Variants in PRKACB observed in about 807,000 individuals in gnomAD.
The protein encoded by PRKACB is cAMP-dependent protein kinase catalytic subunit beta.
PRKACB carries 16 observed loss-of-function variants against 51.4 expected under a neutral mutation model. That is an observed-to-expected ratio of 0.31 (90% CI 0.21 to 0.47). The LOEUF (loss-of-function observed/expected upper bound fraction) is 0.47. Ranked by LOEUF, PRKACB falls within the 20% of genes least tolerant of loss-of-function variation. The probability of loss-of-function intolerance (pLI) is 1.00; values close to 1 mark genes in which losing one functional copy is unlikely to be tolerated. For missense variants in PRKACB, 309 were observed against 464.5 expected (o/e 0.67, Z 3.08); for synonymous variants, 147 against 154.4 (o/e 0.95, Z 0.35).
At chr1:84,100,534 G>T (rs573098380) in intron 1 of PRKACB, among the ~76,000 whole-genome samples, 2 of 152,232 alleles carry the variant, frequency 1.3e-5, no homozygotes, top group East Asian at 3.9e-4. Context: ...GAGAAGATAA[G>T]ATCACACATT....
At chr1:84,235,102 T>G in intron 9 of PRKACB, 78 bp from the exon 10 acceptor site, 2 of 1,454,374 alleles carry the variant, frequency 1.4e-6, no homozygotes, top group Non-Finnish European at 1.9e-6. Context: ...ACAGTGGGAA[T>G]TTATTTTTCT....
intron 1 of PRKACB, among the ~76,000 whole-genome samples, chr1:84,080,597 G>C (rs1336721531): frequency 2.6e-5 from 4 of 152,182 alleles, no homozygotes; most frequent in Non-Finnish European, 4.4e-5. Context: ...GTGTTATCAG[G>C]TATATGTTGC....
chr1:84,098,706 C>T (rs925347499), intron 1 of PRKACB, among the ~76,000 whole-genome samples: 2 of 151,992 alleles, frequency 1.3e-5, no homozygotes, highest in Admixed American at 6.6e-5. Flanking sequence ...TGTTTTTCTC[C>T]AGTCTTACCC....
intron 1 of PRKACB, among the ~76,000 whole-genome samples, chr1:84,126,495 C>G (rs1557978465): frequency 6.6e-6 from 1 of 152,154 alleles, no homozygotes; most frequent in African/African-American, 2.4e-5. Flanking sequence ...TCTCTTCTCT[C>G]CTCTGCCACT....
intron 2 of PRKACB, chr1:84,181,785 G>T: frequency 7.8e-7 from 1 of 1,281,476 alleles, no homozygotes; most frequent in Admixed American, 2.5e-5. Flanking sequence ...ACAGTTATTT[G>T]CAAGTGCATT....
intron 1 of PRKACB, among the ~76,000 whole-genome samples, chr1:84,170,123 A>C (rs1301696568): frequency 3.3e-5 from 5 of 151,626 alleles, no homozygotes; most frequent in Non-Finnish European, 7.4e-5. Context: ...TGAGAACCAG[A>C]GCTGTAAGGG....
intron 7 of PRKACB, among the ~76,000 whole-genome samples, chr1:84,198,643 G>A (rs1283714004): frequency 2.0e-5 from 3 of 151,422 alleles, no homozygotes; most frequent in Admixed American, 6.6e-5. Context: ...TTTAAATACA[G>A]TTAACAAATA....
At chr1:84,165,339 A>T (rs1186684287) in intron 1 of PRKACB, among the ~76,000 whole-genome samples, 1 of 151,888 alleles carries the variant, frequency 6.6e-6, no homozygotes, top group African/African-American at 2.4e-5. Flanking sequence ...TTCTTTTAGT[A>T]TCTGATCCTG....
chr1:84,086,251 TG>T, intron 1 of PRKACB: 1 of 1,527,490 alleles, frequency 6.5e-7, no homozygotes, highest in Non-Finnish European at 9.1e-7. Context: ...GGACAAGTCC[TG>T]GTTCCCTTGC....
intron 1 of PRKACB, among the ~76,000 whole-genome samples, chr1:84,084,031 C>T (rs1478404301): frequency 6.6e-6 from 1 of 152,132 alleles, no homozygotes; most frequent in Non-Finnish European, 1.5e-5. Flanking sequence ...ACACATGAAA[C>T]CTGCCACAAA....
At chr1:84,191,161 C>G (rs1666675847) in intron 5 of PRKACB, among the ~76,000 whole-genome samples, 1 of 151,978 alleles carries the variant, frequency 6.6e-6, no homozygotes, top group Non-Finnish European at 1.5e-5. Flanking sequence ...AGATATTGAT[C>G]TTTCATTTCC....
At chr1:84,096,641 A>G (rs17130873) in intron 1 of PRKACB, among the ~76,000 whole-genome samples, 7,295 of 152,210 alleles carry the variant, frequency 0.048, 238 homozygotes, top group Middle Eastern at 0.11. Context: ...ATACTTTCAA[A>G]CAACTCTTAC....
chr1:84,173,526 A>T (rs1436670748), intron 1 of PRKACB, among the ~76,000 whole-genome samples: 1 of 151,684 alleles, frequency 6.6e-6, no homozygotes, highest in Non-Finnish European at 1.5e-5. Flanking sequence ...TATTTTTAGA[A>T]ATACCAAATA....
upstream of PRKACB, among the ~76,000 whole-genome samples, chr1:84,142,796 A>C (rs1653551295): frequency 6.6e-6 from 1 of 152,232 alleles, no homozygotes; most frequent in Non-Finnish European, 1.5e-5. Context: ...ATGAACTGTT[A>C]AATGGCAAAA....
intron 1 of PRKACB, among the ~76,000 whole-genome samples, chr1:84,150,503 G>A (rs940391859): frequency 6.6e-6 from 1 of 152,126 alleles, no homozygotes; most frequent in Non-Finnish European, 1.5e-5. Flanking sequence ...AATGGGAGGC[G>A]TTTGGGTCAT....
intron 9 of PRKACB, among the ~76,000 whole-genome samples, chr1:84,227,628 G>C (rs1354002175): frequency 6.6e-6 from 1 of 152,092 alleles, no homozygotes; most frequent in African/African-American, 2.4e-5. Context: ...CTTTTCAGAG[G>C]GCTTGACTTA....
chr1:84,209,852 C>T (rs1295927942), intron 8 of PRKACB, among the ~76,000 whole-genome samples: 2 of 152,128 alleles, frequency 1.3e-5, no homozygotes, highest in Non-Finnish European at 2.9e-5. Context: ...ATAGTACTTG[C>T]TTAATTCAAG....
rs985842822 is a variant in PRKACB, at chr1:84,179,352, A to G, written c.249+114A>G. 9 of 1,239,316 alleles carry G rather than the reference A, an allele frequency of 7.3e-6. No homozygotes were observed. The African/African-American group carries it at 1.4e-4, about 19-fold the overall frequency. The allele number at this position is 1,239,316 out of a possible 1,614,324, so 76.8% of individuals were successfully genotyped here. A position where few individuals can be genotyped will look rare whatever the true frequency, so the allele number is the denominator to read the frequency against. On this transcript the variant is annotated intron_variant, in intron 2 of 9. Transcript: ENST00000370685. ...TTTAATTTTCATGTGGTGTTAGTAA[A>G]CAGAAGCTTAAAATGGGAATTTTGC...
chr1:84,168,500 A>G (rs1658272834), intron 1 of PRKACB, among the ~76,000 whole-genome samples: 1 of 151,588 alleles, frequency 6.6e-6, no homozygotes, highest in Non-Finnish European at 1.5e-5. Flanking sequence ...TGAATCTGCT[A>G]TGAATTACAG....
Sources: allele counts gnomAD v4.1 joint callset (sites outside exome capture counted in the v4.1 genomes callset), GRCh38; gene constraint gnomAD v4.1.1; transcripts MANE v1.5; gene names NCBI Gene and HGNC (gene_info 2026-07-23, HGNC 2026-07-21).